SANBR: variants seen among roughly 807,000 people sequenced by gnomAD.
The protein encoded by SANBR is SANT and BTB domain regulator of CSR.
Under a neutral mutation model 101.8 loss-of-function variants are expected in SANBR, and 77 were observed. That is an observed-to-expected ratio of 0.76 (90% CI 0.63 to 0.91). The LOEUF is 0.91. Ranked by LOEUF, SANBR falls within the 40% of genes least tolerant of loss-of-function variation. SANBR has a pLI of 0.00. For synonymous variants in SANBR, 279 were observed against 274.7 expected (o/e 1.02, Z -0.15); for missense variants, 875 against 853.0 (o/e 1.03, Z -0.32).
intron 9 of SANBR, 29 bp from the exon 10 acceptor site, chr2:61,088,329 G>A: frequency 6.4e-7 from 1 of 1,569,434 alleles, no homozygotes; most frequent in Non-Finnish European, 8.6e-7. Flanking sequence ...CTTCTTCCTG[G>A]ATGTTTTTTG....
intron 20 of SANBR, among the ~76,000 whole-genome samples, chr2:61,129,312 C>G (rs1245740907): frequency 6.6e-6 from 1 of 151,848 alleles, no homozygotes; most frequent in Non-Finnish European, 1.5e-5. Context: ...GGTGTGGTGG[C>G]AGGCACCTGT....
At chr2:61,079,517 G>A (rs976471896) in intron 6 of SANBR, among the ~76,000 whole-genome samples, 1 of 152,068 alleles carries the variant, frequency 6.6e-6, no homozygotes, top group Admixed American at 6.5e-5. Context: ...TAATAGGAGA[G>A]GTTTCTAGTG....
At chr2:61,075,970 T>G (rs1681743029) in intron 5 of SANBR, among the ~76,000 whole-genome samples, 1 of 151,914 alleles carries the variant, frequency 6.6e-6, no homozygotes, top group Non-Finnish European at 1.5e-5. Flanking sequence ...TGAAATGGTA[T>G]TATTTTTATA....
chr2:61,136,992 GATAATA>G (rs745464773), intron 21 of SANBR, among the ~76,000 whole-genome samples: 35 of 149,248 alleles, frequency 2.3e-4, no homozygotes, highest in African/African-American at 5.2e-4. Context: ...CAACAACAAC[GATAATA>G]ATAATAATAA....
At chr2:61,085,078 T>C (rs566489563) in intron 8 of SANBR, among the ~76,000 whole-genome samples, 1 of 152,278 alleles carries the variant, frequency 6.6e-6, no homozygotes, top group Non-Finnish European at 1.5e-5. Flanking sequence ...AACATGCTTC[T>C]TGGACATTCA....
chr2:61,124,800 AC>A (rs1442311285), downstream of SANBR, among the ~76,000 whole-genome samples: 1 of 152,188 alleles, frequency 6.6e-6, no homozygotes, highest in African/African-American at 2.4e-5. Context: ...TGATCTGATA[AC>A]AATGCTGATT....
At chr2:61,071,567 T>G in intron 3 of SANBR, 39 bp from the exon 4 acceptor site, 6 of 1,231,744 alleles carry the variant, frequency 4.9e-6, no homozygotes, top group Non-Finnish European at 6.6e-6. Context: ...AAAAAAAAAA[T>G]TCCCAAACCT....
Position 61,083,218 on chromosome 2 carries a change from T to C in SANBR, c.794T>C (p.Met265Thr). Residue 265 changes from methionine (M) to threonine (T), a missense_variant, in exon 8 of 22, where the codon ATG (methionine) becomes ACG (threonine). Coordinates refer to ENST00000402291, the MANE Select transcript of SANBR (RefSeq NM_001129993.3). ...MNAIVATPCN[M>T]NCINANLLTR... ...GCCATAGTAGCTACCCCATGCAACA[T>C]GAACTGTATTAATGCAAATCTTCTC... 6.2e-7 allele frequency: 1 copy of C among 1,611,482 alleles called. No individual in the cohort carries two copies. The highest frequency in any genetic ancestry group is 8.5e-7 in the Non-Finnish European group (1 of 1,177,694).
Position 61,078,049 on chromosome 2 carries a change from T to C in SANBR, c.670+891T>C, listed in dbSNP as rs554663883. On this transcript the variant is annotated intron_variant, in intron 6 of 21. Transcript: ENST00000402291. ...TCAATACCTGACTTTTCTGATGAGATTGGTGGTCATATTAATGAATGTGAT... is the reference window on the plus strand; with the variant it reads ...TCAATACCTGACTTTTCTGATGAGACTGGTGGTCATATTAATGAATGTGAT... Among the ~76,000 whole-genome samples, 20 of 152,332 alleles carry C rather than the reference T, an allele frequency of 1.3e-4. 1 individual carries two copies. The South Asian group carries it at 3.9e-3, about 30-fold the overall frequency.
chr2:61,122,482 T>G lies in SANBR; in HGVS notation c.*320T>G. ...AAAAAGAAAGGCCTAAACTGTCAGGTAGCCAAGTTTTTTTAAGACCTTAAA... is the reference window on the plus strand; with the variant it reads ...AAAAAGAAAGGCCTAAACTGTCAGGGAGCCAAGTTTTTTTAAGACCTTAAA... On this transcript the variant is annotated 3_prime_UTR_variant, in exon 22 of 22. Coordinates refer to ENST00000402291, the MANE Select transcript of SANBR (RefSeq NM_001129993.3). 1 of 1,051,758 alleles carries G rather than the reference T, an allele frequency of 9.5e-7. No homozygotes were observed. The highest frequency in any genetic ancestry group is 1.1e-6 in the Non-Finnish European group (1 of 873,762). The allele number at this position is 1,051,758 out of a possible 1,614,324, so 65.2% of individuals were successfully genotyped here. A position where few individuals can be genotyped will look rare whatever the true frequency, so the allele number is the denominator to read the frequency against.
rs1441777865 is a variant in SANBR, at chr2:61,081,526, A to T, written c.729+16A>T. 1 of 1,529,610 alleles carries T rather than the reference A, an allele frequency of 6.5e-7. No homozygotes were observed. Among genetic ancestry groups the T allele is most frequent in the Non-Finnish European group, 8.7e-7 (1 of 1,146,436 alleles). The allele number at this position is 1,529,610 out of a possible 1,614,324, so 94.8% of individuals were successfully genotyped here. A position where few individuals can be genotyped will look rare whatever the true frequency, so the allele number is the denominator to read the frequency against. Reference sequence around the variant, plus strand: ...GGATTCACTAGTAAGTATTGACTTAAAAAAAATCAAAGTGCTTCTGTTCAC... The same window carrying T: ...GGATTCACTAGTAAGTATTGACTTATAAAAAATCAAAGTGCTTCTGTTCAC... On this transcript the variant is annotated intron_variant, in intron 7 of 21. Coordinates refer to ENST00000402291, the MANE Select transcript of SANBR (RefSeq NM_001129993.3).
At chr2:61,096,441 C>T (rs1683034781) in intron 11 of SANBR, among the ~76,000 whole-genome samples, 2 of 152,168 alleles carry the variant, frequency 1.3e-5, no homozygotes, top group African/African-American at 4.8e-5. Flanking sequence ...CCATCCTAAC[C>T]AACCTTTTCT....
At chr2:61,118,702 C>T (rs937612883) in intron 20 of SANBR, among the ~76,000 whole-genome samples, 4 of 150,914 alleles carry the variant, frequency 2.7e-5, no homozygotes, top group Admixed American at 2.0e-4. Context: ...GCTGGGACTA[C>T]AGGCATGCAC....
At chr2:61,098,580 A>T (rs1683144477) in intron 12 of SANBR, among the ~76,000 whole-genome samples, 1 of 152,216 alleles carries the variant, frequency 6.6e-6, no homozygotes, top group South Asian at 2.1e-4. Flanking sequence ...ATGAACATGT[A>T]GGTGGTTTCT....
chr2:61,110,972 A>G (rs1444394564), intron 16 of SANBR, among the ~76,000 whole-genome samples: 1 of 152,236 alleles, frequency 6.6e-6, no homozygotes, highest in Non-Finnish European at 1.5e-5. Flanking sequence ...TATTAGACAC[A>G]AAAACCTGAA....
chr2:61,076,511 C>A (rs2104857585), intron 5 of SANBR, among the ~76,000 whole-genome samples: 1 of 148,940 alleles, frequency 6.7e-6, no homozygotes, highest in South Asian at 2.1e-4. Flanking sequence ...GCCTGTAGTC[C>A]CAGCTACTCA....
intron 2 of SANBR, among the ~76,000 whole-genome samples, chr2:61,069,424 A>C (rs971523439): frequency 6.6e-6 from 1 of 152,182 alleles, no homozygotes; most frequent in Non-Finnish European, 1.5e-5. Context: ...CCAAAACTCA[A>C]ATCAGAGATT....
intron 20 of SANBR, among the ~76,000 whole-genome samples, chr2:61,132,196 TG>T (rs1684709616): frequency 6.6e-6 from 1 of 152,196 alleles, no homozygotes; most frequent in Non-Finnish European, 1.5e-5. Flanking sequence ...AAAACTTTTA[TG>T]CTTCAAAGAA....
intron 11 of SANBR, among the ~76,000 whole-genome samples, chr2:61,094,922 G>A (rs1009554062): frequency 1.3e-5 from 2 of 152,178 alleles, no homozygotes; most frequent in African/African-American, 4.8e-5. Context: ...TGGGATTATA[G>A]GCCTGAGCCA....
Sources: gnomAD v4.1 joint callset for allele counts (sites outside exome capture counted in the v4.1 genomes callset) on GRCh38, gnomAD v4.1.1 for gene constraint, MANE v1.5 for transcripts, NCBI Gene and HGNC (gene_info 2026-07-23, HGNC 2026-07-21) for gene names.